The following CAPN1 variants were observed in gnomAD, a reference collection of about 807,000 sequenced individuals.
The protein encoded by CAPN1 is calpain 1.
A neutral mutation model predicts 105.2 loss-of-function variants in CAPN1; 77 were observed. That is an observed-to-expected ratio of 0.73 (90% CI 0.61 to 0.88). The LOEUF (loss-of-function observed/expected upper bound fraction) is 0.88. Ranked by LOEUF, CAPN1 falls within the 40% of genes least tolerant of loss-of-function variation. The pLI is 0.00. For synonymous variants in CAPN1, 355 were observed against 388.8 expected (o/e 0.91, Z 1.02); for missense variants, 833 against 976.6 (o/e 0.85, Z 1.96).
chr11:65,186,006 AG>A lies in CAPN1; in HGVS notation c.548del (p.Gly183AlafsTer16), dbSNP rs1198905972. The A allele has an allele frequency of 6.2e-7, 1 of 1,610,140 alleles. No individual in the cohort carries two copies. ...AGCTAGTGTTCGTGCACTCTGCCGA[AG>A]GCAACGAGTTCTGGAGCGCCCTGCT... Reference protein sequence around the residue: ...GKLVFVHSAEGNEFWSALLEK... With the variant: ...GKLVFVHSAEXNEFWSALLEK... On this transcript the variant is annotated frameshift_variant, in exon 5 of 22. Coordinates refer to ENST00000279247, the MANE Select transcript of CAPN1 (RefSeq NM_005186.4). LOFTEE classifies it high-confidence loss of function.
At position 65,182,715 on chromosome 11, in the gene CAPN1, T is replaced by C; in HGVS notation, c.14T>C (p.Ile5Thr). 6.4e-7 allele frequency: 1 copy of C among 1,570,300 alleles called. No individual in the cohort carries two copies. MSEE[I>T]ITPVYCTGVS... ...CTGTCCGGCAGGATGTCGGAGGAGA[T>C]CATCACGCCGGTGTACTGCACTGGG... The change falls in exon 2 of 22, where the codon ATC becomes ACC. Residue 5 changes from isoleucine to threonine, a missense_variant. Ile to Thr is a moderately conservative substitution (Grantham distance 89). Transcript: ENST00000279247.
rs764876772 is a variant in CAPN1, at chr11:65,187,235, G to A, written c.780G>A (p.Met260Ile). The A allele has an allele frequency of 1.4e-5, 23 of 1,613,120 alleles. No homozygotes were observed. The South Asian group carries it at 2.5e-4, about 18-fold the overall frequency. Reference sequence around the variant, plus strand: ...TGCAGATCTCCAGCGTTCTAGACATGGAGGCCATCACTTTCAAGAAGTTGG... The same window carrying A: ...TGCAGATCTCCAGCGTTCTAGACATAGAGGCCATCACTTTCAAGAAGTTGG... Reference protein sequence around the residue: ...CSIDISSVLDMEAITFKKLVK... With the variant: ...CSIDISSVLDIEAITFKKLVK... Residue 260 changes from methionine to isoleucine, a missense_variant, in exon 7 of 22, where the codon ATG becomes ATA. Physicochemically the swap from Met to Ile is conservative, Grantham distance 10. Transcript: ENST00000279247.
In CAPN1 at chr11:65,209,450, G is replaced by T; in HGVS notation, c.1794+63G>T. The T allele has an allele frequency of 7.3e-7, 1 of 1,375,832 alleles. No homozygotes were observed. Among genetic ancestry groups the T allele is most frequent in the South Asian group, 1.2e-5 (1 of 83,522 alleles). The allele number at this position is 1,375,832 out of a possible 1,614,324, so 85.2% of individuals were successfully genotyped here. ...TTGGGTGGAGGTATCGGTGCTGGGA[G>T]AACTGTCCCAGGACAGCACAGAGAA... On this transcript the variant is annotated intron_variant, in intron 17 of 21. Coordinates refer to ENST00000279247, the MANE Select transcript of CAPN1 (RefSeq NM_005186.4). This position sits in a 1 kb window ranked among gnomAD's most constrained non-coding sequence, Gnocchi z 4.1.
At chr11:65,200,384 G>A (rs760325067) in intron 10 of CAPN1, among the ~76,000 whole-genome samples, 44 of 152,038 alleles carry the variant, frequency 2.9e-4, no homozygotes, top group Non-Finnish European at 4.1e-4. Context: ...TCACTCTGTC[G>A]CCCAGGCTGG....
rs1949058696 is a variant in CAPN1 at position 65,211,999 on chromosome 11, G to C, written c.*713G>C. On this transcript the variant is annotated 3_prime_UTR_variant, in exon 22 of 22. Coordinates refer to ENST00000279247, the MANE Select transcript of CAPN1 (RefSeq NM_005186.4). ...CCAAATAATAAAAGGCCCCACATCT[G>C]TCTGTGATGTGTTTCTCCCCAGCCT... The C allele has an allele frequency of 6.6e-6, 1 of 152,332 alleles. No individual in the cohort carries two copies. The highest frequency in any genetic ancestry group is 1.5e-5 in the Non-Finnish European group (1 of 68,134). 9.4% of individuals were successfully genotyped at this position (152,332 alleles called of 1,614,324 possible). A position where few individuals can be genotyped will look rare whatever the true frequency, so the allele number is the denominator to read the frequency against.
chr11:65,199,951 C>T (rs895509172), intron 10 of CAPN1, among the ~76,000 whole-genome samples: 5 of 152,162 alleles, frequency 3.3e-5, no homozygotes, highest in African/African-American at 9.7e-5. Flanking sequence ...ATCTCTGCCC[C>T]GTGAGAGAGT....
Position 65,208,503 on chromosome 11 carries a change from G to A in CAPN1, c.1729+241G>A, listed in dbSNP as rs1194348423. 1.4e-5 allele frequency: 8 copies of A among 582,170 alleles called. No homozygotes were observed. The highest frequency in any genetic ancestry group is 1.9e-5 in the South Asian group (1 of 51,900). The allele number at this position is 582,170 out of a possible 1,614,324, so 36.1% of individuals were successfully genotyped here. On this transcript the variant is annotated intron_variant, in intron 16 of 21. Coordinates refer to ENST00000279247, the MANE Select transcript of CAPN1 (RefSeq NM_005186.4). The surrounding 1 kb of genome is among the most constrained non-coding windows in gnomAD (Gnocchi z 4.1). Reference sequence around the variant, plus strand: ...TGGGATTAGCAGCGCAGCCTGGCCAGGCACAGTGGCTCACACCTGTAGTCC... The same window carrying A: ...TGGGATTAGCAGCGCAGCCTGGCCAAGCACAGTGGCTCACACCTGTAGTCC...
At chr11:65,190,720 T>G (rs1948708049) in intron 10 of CAPN1, among the ~76,000 whole-genome samples, 1 of 151,278 alleles carries the variant, frequency 6.6e-6, no homozygotes, top group Admixed American at 6.6e-5. Flanking sequence ...TTGTTTTTGT[T>G]TTTGTTTTTT....
intron 10 of CAPN1, among the ~76,000 whole-genome samples, chr11:65,191,985 G>C (rs1012890519): frequency 2.0e-5 from 3 of 152,166 alleles, no homozygotes; most frequent in Admixed American, 6.6e-5. Flanking sequence ...ATATTATGAT[G>C]ATAGTATGCT....
chr11:65,184,509 C>G (rs545285849), intron 4 of CAPN1, among the ~76,000 whole-genome samples: 1 of 151,712 alleles, frequency 6.6e-6, no homozygotes, highest in Admixed American at 6.6e-5. Context: ...GCCCCGACCC[C>G]TCAGATGGTA....
At chr11:65,207,084 C>A (rs1044269745) in intron 14 of CAPN1, among the ~76,000 whole-genome samples, 1 of 152,192 alleles carries the variant, frequency 6.6e-6, no homozygotes, top group South Asian at 2.1e-4. Flanking sequence ...CTCATTTCCT[C>A]CCCACATCAA....
At position 65,209,799 on chromosome 11, in the gene CAPN1, C is replaced by T; in HGVS notation, c.1795-50C>T. 1.9e-6 allele frequency: 3 copies of T among 1,580,120 alleles called. No individual in the cohort carries two copies. The highest frequency in any genetic ancestry group is 2.6e-6 in the Non-Finnish European group (3 of 1,154,966). ...CTCCCCTTCTGCACAGTTGCCCACTCTCCCATGACTGGTCTAAGTGATGGA... is the reference window on the plus strand; with the variant it reads ...CTCCCCTTCTGCACAGTTGCCCACTTTCCCATGACTGGTCTAAGTGATGGA... On this transcript the variant is annotated intron_variant, in intron 17 of 21. Transcript: ENST00000279247. The surrounding 1 kb of genome is among the most constrained non-coding windows in gnomAD (Gnocchi z 4.1).
chr11:65,190,726 T>TTTA, intron 10 of CAPN1, among the ~76,000 whole-genome samples: 1 of 151,450 alleles, frequency 6.6e-6, no homozygotes. Context: ...TTGTTTTTGT[T>TTTA]TTTTGAGACG....
At position 65,188,303 on chromosome 11, in the gene CAPN1, G is replaced by A. The variant is rs373785486; in HGVS notation, c.930-111G>A. 2.0e-6 allele frequency: 2 copies of A among 976,444 alleles called. No individual in the cohort carries two copies. The highest frequency in any genetic ancestry group is 3.2e-5 in the African/African-American group (2 of 61,778). The allele number at this position is 976,444 out of a possible 1,614,324, so 60.5% of individuals were successfully genotyped here. A position where few individuals can be genotyped will look rare whatever the true frequency, so the allele number is the denominator to read the frequency against. ...CGGAACCTTGGCGCTTGACCTTGAG[G>A]AGGCCACCTGGGCTGGGCCGGGGGA... On this transcript the variant is annotated intron_variant, in intron 8 of 21. Coordinates refer to ENST00000279247, the MANE Select transcript of CAPN1 (RefSeq NM_005186.4). The surrounding 1 kb of genome is among the most constrained non-coding windows in gnomAD (Gnocchi z 5.5).
chr11:65,182,592 T>A (rs1948555546), intron 1 of CAPN1, 109 bp from the exon 2 acceptor site: 1 of 1,237,932 alleles, frequency 8.1e-7, no homozygotes, highest in South Asian at 1.7e-5. Flanking sequence ...AGGGAAACCC[T>A]AGGTTTGGGG....
chr11:65,200,369 GACTCTC>G (rs1176832539), intron 10 of CAPN1, among the ~76,000 whole-genome samples: 1 of 151,498 alleles, frequency 6.6e-6, no homozygotes, highest in Non-Finnish European at 1.5e-5. Context: ...TTTGGAGATG[GACTCTC>G]ACTCTGTCGC....
At chr11:65,196,404 T>A (rs17878324) in intron 10 of CAPN1, among the ~76,000 whole-genome samples, 165 of 152,248 alleles carry the variant, frequency 1.1e-3, no homozygotes, top group African/African-American at 3.9e-3. Flanking sequence ...ACATGTGATA[T>A]TTTGATAACG....
At chr11:65,184,429 C>T (rs898900505) in intron 4 of CAPN1, among the ~76,000 whole-genome samples, 1 of 149,726 alleles carries the variant, frequency 6.7e-6, no homozygotes, top group Admixed American at 6.6e-5. Flanking sequence ...GTTCAGTACC[C>T]GCCACCCACA....
chr11:65,203,019 C>T (rs890043207), intron 10 of CAPN1, among the ~76,000 whole-genome samples: 4 of 152,080 alleles, frequency 2.6e-5, no homozygotes, highest in African/African-American at 9.7e-5. Flanking sequence ...TTTCATTTAG[C>T]ATAATGTTTG....
Sources: gnomAD v4.1 joint callset for allele counts (sites outside exome capture counted in the v4.1 genomes callset) on GRCh38, gnomAD v4.1.1 for gene constraint, Gnocchi (gnomAD v3.1) non-coding constraint, MANE v1.5 for transcripts, NCBI Gene and HGNC (gene_info 2026-07-23, HGNC 2026-07-21) for gene names.